The following DISP1 variants were observed in gnomAD, a reference collection of about 807,000 sequenced individuals.
The protein encoded by DISP1 is protein dispatched homolog 1.
A neutral mutation model predicts 37.3 loss-of-function variants in DISP1; 30 were observed. The observed-to-expected ratio is 0.80, with a 90% CI of 0.60 to 1.09. The LOEUF is 1.09. Among genes scored for constraint, DISP1 ranks in the 50% least tolerant of loss-of-function variants. The pLI is 0.00. For missense variants in DISP1, 1,598 were observed against 1,879.5 expected (o/e 0.85, Z 2.77); for synonymous variants, 634 against 690.2 (o/e 0.92, Z 1.28).
chr1:223,005,558 G>A lies in DISP1; in HGVS notation c.4161G>A (p.Lys1387=). 2 of 1,614,102 alleles carry A rather than the reference G, an allele frequency of 1.2e-6. No individual in the cohort carries two copies. The highest frequency in any genetic ancestry group is 1.7e-6 in the Non-Finnish European group (2 of 1,180,032). The part of the protein sequence containing the change: ...LQRSIEEHLP[K]MAEPSSFVCR... ...GGAGCATAGAAGAGCATCTTCCAAA[G>A]ATGGCAGAGCCATCGTCATTTGTCT... is the stretch of plus-strand genomic sequence containing the variant. Residue 1387 remains lysine, a synonymous_variant, in exon 9 of 9, where the codon AAG becomes AAA. Transcript: ENST00000675850.
intron 3 of DISP1, among the ~76,000 whole-genome samples, chr1:222,950,227 G>A (rs899595369): frequency 3.3e-5 from 5 of 152,056 alleles, no homozygotes; most frequent in South Asian, 2.1e-4. Context: ...GAAGGGACTC[G>A]AGGAGGCAAA....
rs1270621330 is a variant in DISP1 at position 222,893,937 on chromosome 1, CTTCA to C, written c.-158-34490_-158-34487del. On this transcript the variant is annotated intron_variant, in intron 1 of 8. Coordinates refer to ENST00000675850, the MANE Select transcript of DISP1 (RefSeq NM_001377229.1). This position sits in a 1 kb window ranked among gnomAD's most constrained non-coding sequence, Gnocchi z 4.3. ...GGAGTGTGAGCAAGGTGGAGAGGAG[CTTCA>C]TTGAGTGGCAGAACAGTTCTCAGGA... Among the ~76,000 whole-genome samples the C allele has an allele frequency of 6.6e-6, 1 of 152,146 alleles. No homozygotes were observed. Among genetic ancestry groups the C allele is most frequent in the Non-Finnish European group, 1.5e-5 (1 of 68,012 alleles).
intron 1 of DISP1, among the ~76,000 whole-genome samples, chr1:222,886,889 G>A (rs902272807): frequency 1.3e-5 from 2 of 152,238 alleles, no homozygotes; most frequent in African/African-American, 2.4e-5. Flanking sequence ...CCTAGAGGCA[G>A]AGGATTAGTT....
intron 8 of DISP1, among the ~76,000 whole-genome samples, chr1:223,001,145 A>C (rs943000240): frequency 6.6e-6 from 1 of 152,120 alleles, no homozygotes; most frequent in South Asian, 2.1e-4. Flanking sequence ...CAATTTTTCA[A>C]TTTTTTATAA....
chr1:222,851,061 A>C (rs1306198588), intron 1 of DISP1, among the ~76,000 whole-genome samples: 1 of 127,360 alleles, frequency 7.9e-6, no homozygotes, highest in Non-Finnish European at 1.7e-5. Flanking sequence ...TGCATTTTTA[A>C]TTTTTTTTTT....
chr1:222,869,339 A>G (rs1435726650), intron 1 of DISP1, among the ~76,000 whole-genome samples: 1 of 152,210 alleles, frequency 6.6e-6, no homozygotes, highest in Non-Finnish European at 1.5e-5. Flanking sequence ...GTAAAATTTA[A>G]ATAGCAGTCA....
intron 1 of DISP1, among the ~76,000 whole-genome samples, chr1:222,872,096 AT>A (rs1237516057): frequency 2.0e-5 from 3 of 151,890 alleles, no homozygotes. Context: ...ACGTTTATTG[AT>A]TTTCATGTTG....
chr1:222,878,943 T>G (rs376587519), intron 1 of DISP1, among the ~76,000 whole-genome samples: 3 of 152,188 alleles, frequency 2.0e-5, no homozygotes, highest in Non-Finnish European at 4.4e-5. Flanking sequence ...GGAGATTAAG[T>G]ATAAATACTT....
chr1:223,005,872 A>G lies in DISP1; in HGVS notation c.4475A>G (p.Asn1492Ser), dbSNP rs769904969. ...SCGRIVRVKC[N>S]SVDCQMPNME... ...GGCAGAATTGTGAGAGTGAAGTGCAATTCTGTGGACTGTCAAATGCCAAAC... is the reference window on the plus strand; with the variant it reads ...GGCAGAATTGTGAGAGTGAAGTGCAGTTCTGTGGACTGTCAAATGCCAAAC... The change falls in exon 9 of 9, where the codon AAT (asparagine) becomes AGT (serine). Residue 1492 changes from asparagine (N) to serine (S), a missense_variant. Asn to Ser is a conservative substitution (Grantham distance 46). Transcript: ENST00000675850. The G allele has an allele frequency of 1.4e-5, 22 of 1,614,110 alleles. No homozygotes were observed. In the East Asian group the frequency reaches 1.6e-4, roughly 11 times the overall value.
chr1:222,846,181 T>C (rs1197099494), intron 1 of DISP1, among the ~76,000 whole-genome samples: 1 of 152,190 alleles, frequency 6.6e-6, no homozygotes, highest in Non-Finnish European at 1.5e-5. Context: ...TTAGTGACAG[T>C]GTGGAGGTTG....
At chr1:222,829,042 T>G (rs921719174) in intron 1 of DISP1, among the ~76,000 whole-genome samples, 1 of 152,058 alleles carries the variant, frequency 6.6e-6, no homozygotes, top group African/African-American at 2.4e-5. Flanking sequence ...TCATTTAGAG[T>G]CATAAGAAAT....
chr1:222,858,205 A>C (rs1183251264), intron 1 of DISP1, among the ~76,000 whole-genome samples: 2 of 152,218 alleles, frequency 1.3e-5, no homozygotes, highest in Non-Finnish European at 2.9e-5. Context: ...CCTATTTAAT[A>C]AATGGTGCTG....
intron 3 of DISP1, among the ~76,000 whole-genome samples, chr1:222,973,827 T>C (rs1214916487): frequency 6.6e-6 from 1 of 152,238 alleles, no homozygotes; most frequent in Non-Finnish European, 1.5e-5. Context: ...CTTTTCAGTA[T>C]GTGGCCAATA....
At chr1:222,975,288 G>A (rs1415882696) in intron 3 of DISP1, among the ~76,000 whole-genome samples, 1 of 152,102 alleles carries the variant, frequency 6.6e-6, no homozygotes, top group Non-Finnish European at 1.5e-5. Context: ...GCCTCCCAAA[G>A]TACTGACATT....
intron 1 of DISP1, among the ~76,000 whole-genome samples, chr1:222,879,759 C>G (rs751205762): frequency 9.2e-5 from 14 of 151,988 alleles, no homozygotes; most frequent in Non-Finnish European, 1.9e-4. Flanking sequence ...ATTCACTCAA[C>G]AAGACATACA....
chr1:222,911,693 G>T (rs1259315496), intron 1 of DISP1, among the ~76,000 whole-genome samples: 2 of 151,766 alleles, frequency 1.3e-5, no homozygotes, highest in Admixed American at 6.6e-5. Context: ...CTAATTTTTT[G>T]TTTGTGTGTG....
chr1:222,842,313 T>TAA (rs1231331032), intron 1 of DISP1, among the ~76,000 whole-genome samples: 1 of 148,818 alleles, frequency 6.7e-6, no homozygotes, highest in African/African-American at 2.5e-5. Context: ...CCTGTCATTT[T>TAA]AAAAAAAAAA....
Position 222,978,349 on chromosome 1 carries a change from G to A in DISP1, c.510-4731G>A, listed in dbSNP as rs575292067. ...TGAGAAGTGTCTGTTCATATCCTTC[G>A]CCCACTTTTTGATGGGGTTGTTTGT... On this transcript the variant is annotated intron_variant, in intron 3 of 8. Coordinates refer to ENST00000675850, the MANE Select transcript of DISP1 (RefSeq NM_001377229.1). Among the ~76,000 whole-genome samples the A allele has an allele frequency of 1.0e-3, 152 of 152,168 alleles. 6 individuals carry two copies. In the South Asian group the frequency reaches 0.028, roughly 28 times the overall value.
At chr1:222,912,989 C>T (rs757377621) in intron 1 of DISP1, among the ~76,000 whole-genome samples, 1 of 152,020 alleles carries the variant, frequency 6.6e-6, no homozygotes, top group Admixed American at 6.6e-5. Context: ...GTACTCTCAA[C>T]CTGCATGACT....
Sources: allele counts gnomAD v4.1 joint callset (sites outside exome capture counted in the v4.1 genomes callset), GRCh38; gene constraint gnomAD v4.1.1; non-coding constraint Gnocchi (gnomAD v3.1); transcripts MANE v1.5; gene names NCBI Gene and HGNC (gene_info 2026-07-23, HGNC 2026-07-21).